The following FERRY3 variants were observed in gnomAD, a reference collection of about 807,000 sequenced individuals.
FERRY3 encodes FERRY endosomal RAB5 effector complex subunit 3, also known as protein C12orf4.
At chr12:4,505,346 C>A in the FERRY3 span, 1 of 1,606,302 alleles carries the variant, frequency 6.2e-7, no homozygotes, top group Non-Finnish European at 8.5e-7. Flanking sequence ...CATTCTTAGT[C>A]TTATCATCAT....
At chr12:4,493,908 C>T in the FERRY3 span, among the ~76,000 whole-genome samples, 5 of 152,040 alleles carry the variant, frequency 3.3e-5, no homozygotes, top group East Asian at 1.9e-4. Flanking sequence ...GCCTGGCCAA[C>T]GTGGTGAAAC....
chr12:4,520,632 G>A, the FERRY3 span, among the ~76,000 whole-genome samples: 2 of 152,138 alleles, frequency 1.3e-5, no homozygotes, highest in Non-Finnish European at 2.9e-5. Context: ...ACCAAGCTGG[G>A]ATAAAAGTGG....
the FERRY3 span, among the ~76,000 whole-genome samples, chr12:4,493,680 A>G: frequency 6.6e-6 from 1 of 152,208 alleles, no homozygotes; most frequent in East Asian, 1.9e-4. Context: ...GGCTGCTACA[A>G]AAGAGCTACA....
the FERRY3 span, among the ~76,000 whole-genome samples, chr12:4,511,337 A>G: frequency 1.3e-5 from 2 of 150,772 alleles, no homozygotes; most frequent in Non-Finnish European, 2.9e-5. Context: ...TCAACGAGAC[A>G]GAAAGTCAAC....
chr12:4,512,530 A>C, the FERRY3 span, among the ~76,000 whole-genome samples: 1 of 151,244 alleles, frequency 6.6e-6, no homozygotes, highest in Non-Finnish European at 1.5e-5. Flanking sequence ...CACATCAAAA[A>C]GCTTATCCAC....
At chr12:4,530,253 A>G in the FERRY3 span, among the ~76,000 whole-genome samples, 1 of 152,146 alleles carries the variant, frequency 6.6e-6, no homozygotes, top group African/African-American at 2.4e-5. Flanking sequence ...GATACAGACT[A>G]AGTTCTTAAT....
chr12:4,529,612 T>C, the FERRY3 span, among the ~76,000 whole-genome samples: 1 of 152,158 alleles, frequency 6.6e-6, no homozygotes, highest in South Asian at 2.1e-4. Flanking sequence ...AAGTAATCTA[T>C]TCCTCTTATT....
At chr12:4,504,552 C>T in the FERRY3 span, among the ~76,000 whole-genome samples, 1 of 152,034 alleles carries the variant, frequency 6.6e-6, no homozygotes, top group Non-Finnish European at 1.5e-5. Flanking sequence ...TGAGATGATC[C>T]ATTTTCTTTA....
At chr12:4,534,854 G>A in the FERRY3 span, among the ~76,000 whole-genome samples, 4 of 152,078 alleles carry the variant, frequency 2.6e-5, no homozygotes, top group Admixed American at 6.5e-5. Flanking sequence ...TAACTCTTAC[G>A]TATTCCCTTG....
the FERRY3 span, chr12:4,489,957 A>T: frequency 1.1e-5 from 13 of 1,171,586 alleles, no homozygotes; most frequent in African/African-American, 3.1e-5. Context: ...TTTAAAAATA[A>T]TTTTAGAAGT....
the FERRY3 span, among the ~76,000 whole-genome samples, chr12:4,528,900 CACACACACACACA>C: frequency 0.029 from 2,655 of 91,934 alleles, 85 homozygotes; most frequent in African/African-American, 0.084. Context: ...ATCAGTTACA[CACACACACACACA>C]CACACACACA....
chr12:4,528,746 T>C, the FERRY3 span, among the ~76,000 whole-genome samples: 1 of 152,128 alleles, frequency 6.6e-6, no homozygotes, highest in African/African-American at 2.4e-5. Context: ...TTATTATTTT[T>C]CTGTACTTAA....
chr12:4,530,987 T>C, the FERRY3 span, among the ~76,000 whole-genome samples: 1 of 152,088 alleles, frequency 6.6e-6, no homozygotes, highest in Non-Finnish European at 1.5e-5. Flanking sequence ...AAAAACTAAA[T>C]TCTTCCCTTT....
chr12:4,537,216 T>TA, the FERRY3 span, among the ~76,000 whole-genome samples: 1 of 152,242 alleles, frequency 6.6e-6, no homozygotes, highest in East Asian at 1.9e-4. Context: ...AGAGCACTCT[T>TA]ACTGATCTTA....
At chr12:4,508,563 G>A in the FERRY3 span, among the ~76,000 whole-genome samples, 3 of 152,120 alleles carry the variant, frequency 2.0e-5, no homozygotes, top group Non-Finnish European at 4.4e-5. Flanking sequence ...TGGCCAACAT[G>A]GCAAAACCCC....
chr12:4,525,835 A>G, the FERRY3 span, among the ~76,000 whole-genome samples: 1 of 152,214 alleles, frequency 6.6e-6, no homozygotes, highest in African/African-American at 2.4e-5. Context: ...TATTGCACAG[A>G]CGAATGCAGT....
At chr12:4,529,514 A>G in the FERRY3 span, among the ~76,000 whole-genome samples, 2 of 152,204 alleles carry the variant, frequency 1.3e-5, no homozygotes, top group Non-Finnish European at 2.9e-5. Context: ...TAAAATGGAA[A>G]TAATAGTAGG....
the FERRY3 span, among the ~76,000 whole-genome samples, chr12:4,511,177 CAAG>C: frequency 6.6e-6 from 1 of 151,588 alleles, no homozygotes. Flanking sequence ...ATCAATTCAA[CAAG>C]AAGAGCTAAC....
chr12:4,492,992 AC>A, the FERRY3 span, among the ~76,000 whole-genome samples: 1 of 150,694 alleles, frequency 6.6e-6, no homozygotes, highest in African/African-American at 2.4e-5. Context: ...CCTGTCACCC[AC>A]CTCCCTCCAT....
Sources: gnomAD v4.1 joint callset for allele counts (sites outside exome capture counted in the v4.1 genomes callset) on GRCh38, gnomAD v4.1.1 for gene constraint, MANE v1.5 for transcripts, NCBI Gene and HGNC (gene_info 2026-07-23, HGNC 2026-07-21) for gene names.